Variants in GSE1 observed in about 807,000 individuals in gnomAD.
The protein encoded by GSE1 is Gse1 coiled-coil protein, also known as genetic suppressor element 1.
Under a neutral mutation model 112.6 loss-of-function variants are expected in GSE1, and 32 were observed. That is an observed-to-expected ratio of 0.28 (90% CI 0.21 to 0.38). The LOEUF is 0.38. Ranked by LOEUF, GSE1 falls within the 10% of genes least tolerant of loss-of-function variation. The pLI, the probability that GSE1 is intolerant of heterozygous loss-of-function variation, is 1.00. For synonymous variants in GSE1, 1,115 were observed against 735.6 expected, an observed-to-expected ratio of 1.52 and a Z score of -8.35; for missense variants, 2,348 against 1,699.2, an observed-to-expected ratio of 1.38 and a Z score of -6.71.
chr16:85,454,843 G>C (rs1225141391), intron 2 of GSE1, among the ~76,000 whole-genome samples: 2 of 152,164 alleles, frequency 1.3e-5, no homozygotes, highest in Non-Finnish European at 2.9e-5. Context: ...CCTAGGTTTA[G>C]GGCCCACCCT....
intron 1 of GSE1, among the ~76,000 whole-genome samples, chr16:85,614,011 G>C (rs1161846995): frequency 6.6e-6 from 1 of 151,718 alleles, no homozygotes; most frequent in Non-Finnish European, 1.5e-5. Flanking sequence ...TGCTTCCCGA[G>C]GAAGGGCGCG....
chr16:85,669,813 A>C (rs949926797), intron 14 of GSE1, among the ~76,000 whole-genome samples: 1 of 152,126 alleles, frequency 6.6e-6, no homozygotes, highest in African/African-American at 2.4e-5. Flanking sequence ...TTCCCACCCA[A>C]CCAGTTGTCC....
intron 2 of GSE1, among the ~76,000 whole-genome samples, chr16:85,636,391 G>A (rs1027334207): frequency 3.3e-5 from 5 of 152,304 alleles, no homozygotes; most frequent in Non-Finnish European, 4.4e-5. Flanking sequence ...CTGGGCCCTC[G>A]TCGCCCCCAC....
chr16:85,550,887 A>T (rs1297313849), intron 2 of GSE1, among the ~76,000 whole-genome samples: 1 of 152,214 alleles, frequency 6.6e-6, no homozygotes, highest in Admixed American at 6.5e-5. Flanking sequence ...CCTGGGAAGC[A>T]GCCCAGCAGC....
chr16:85,413,040 C>T (rs139486214), intron 2 of GSE1, among the ~76,000 whole-genome samples: 1 of 152,318 alleles, frequency 6.6e-6, no homozygotes, highest in Non-Finnish European at 1.5e-5. Context: ...CTGGAAGGTT[C>T]CGTGCTGCTG....
chr16:85,325,954 G>C (rs1334382092), intron 1 of GSE1, among the ~76,000 whole-genome samples: 2 of 151,246 alleles, frequency 1.3e-5, no homozygotes, highest in Non-Finnish European at 2.9e-5. Flanking sequence ...TCACCATGTT[G>C]GTCAGGCTGG....
chr16:85,520,182 T>C (rs184461296), intron 2 of GSE1, among the ~76,000 whole-genome samples: 22 of 152,304 alleles, frequency 1.4e-4, no homozygotes, highest in Admixed American at 1.4e-3. Flanking sequence ...GGTTCCTGGA[T>C]GGTGCCCTCT....
chr16:85,250,885 G>C (rs1482167025), intron 1 of GSE1, among the ~76,000 whole-genome samples: 1 of 146,386 alleles, frequency 6.8e-6, no homozygotes, highest in African/African-American at 2.6e-5. Context: ...GCATTGGCCT[G>C]TTCTGGACAT....
chr16:85,450,593 C>T (rs906449724), intron 2 of GSE1, among the ~76,000 whole-genome samples: 13 of 151,902 alleles, frequency 8.6e-5, no homozygotes, highest in Admixed American at 7.9e-4. Context: ...GGATTACAGG[C>T]GCCCGCTACC....
At chr16:85,610,081 C>A (rs532003491), upstream of GSE1, among the ~76,000 whole-genome samples, 3 of 152,310 alleles carry the variant, frequency 2.0e-5, no homozygotes, top group East Asian at 5.8e-4. Flanking sequence ...AGGTGAGGGG[C>A]TGGGAGCCTG....
intron 1 of GSE1, among the ~76,000 whole-genome samples, chr16:85,308,864 C>G (rs2045751084): frequency 6.8e-6 from 1 of 148,094 alleles, no homozygotes; most frequent in Non-Finnish European, 1.5e-5. Context: ...AAATTCCTCC[C>G]AGCTTGGGAC....
At chr16:85,475,232 TGTAAA>T (rs2050415659) in intron 2 of GSE1, among the ~76,000 whole-genome samples, 1 of 152,148 alleles carries the variant, frequency 6.6e-6, no homozygotes, top group African/African-American at 2.4e-5. Flanking sequence ...CCCCACCTCC[TGTAAA>T]CCAGGGGCAG....
intron 2 of GSE1, among the ~76,000 whole-genome samples, chr16:85,518,776 CT>C (rs1464931332): frequency 2.0e-5 from 3 of 152,052 alleles, no homozygotes; most frequent in African/African-American, 7.3e-5. Context: ...TTTAGCACCC[CT>C]GTGGTATAAA....
intron 1 of GSE1, among the ~76,000 whole-genome samples, chr16:85,620,584 C>T (rs1336491394): frequency 1.3e-5 from 2 of 152,266 alleles, no homozygotes; most frequent in African/African-American, 4.8e-5. Context: ...ACGCGGTCGT[C>T]TCTGCCGCCC....
chr16:85,350,869 T>A (rs1451484913), intron 1 of GSE1, among the ~76,000 whole-genome samples: 1 of 152,194 alleles, frequency 6.6e-6, no homozygotes, highest in Non-Finnish European at 1.5e-5. Context: ...AACCTCTGCC[T>A]CCTGGGTTCA....
Position 85,613,739 on chromosome 16 carries a change from C to T in GSE1, c.7+341C>T, listed in dbSNP as rs550538757. The stretch of plus-strand genomic sequence containing the variant: ...GGATGGGGGTGGCGGGGGGAGTCTC[C>T]GAGAGCTGCGGGCGCTGGAGAGCTG... On this transcript the variant is annotated intron_variant, in intron 1 of 15. Coordinates refer to ENST00000253458, the MANE Select transcript of GSE1 (RefSeq NM_014615.5). Among the ~76,000 whole-genome samples, 608 of 148,808 alleles carry T rather than the reference C, an allele frequency of 4.1e-3. 5 individuals carry two copies. The highest frequency in any genetic ancestry group is 0.014 in the African/African-American group (576 of 40,142).
At chr16:85,382,020 A>G (rs4783185) in intron 2 of GSE1, among the ~76,000 whole-genome samples, 126,799 of 152,212 alleles carry the variant, frequency 0.83, 52,993 homozygotes, top group Non-Finnish European at 0.87. Flanking sequence ...GCTGGCTCTC[A>G]GGTCTCCTGG....
At chr16:85,422,283 G>T (rs1301093863) in intron 2 of GSE1, among the ~76,000 whole-genome samples, 2 of 152,228 alleles carry the variant, frequency 1.3e-5, no homozygotes, top group African/African-American at 4.8e-5. Flanking sequence ...GATCTGCTAG[G>T]GGTGGCTGTC....
upstream of GSE1, chr16:85,555,752 C>T (rs775080654): frequency 1.4e-3 from 1,347 of 979,682 alleles, no homozygotes; most frequent in Non-Finnish European, 1.5e-3. Context: ...TCGCCCTTGA[C>T]ATTCAAATGG....
Sources: gnomAD v4.1 joint callset for allele counts (sites outside exome capture counted in the v4.1 genomes callset) on GRCh38, gnomAD v4.1.1 for gene constraint, MANE v1.5 for transcripts, NCBI Gene and HGNC (gene_info 2026-07-23, HGNC 2026-07-21) for gene names.